Variants in ZYG11A observed in about 807,000 individuals in gnomAD.
ZYG11A encodes zyg-11 family member A, cell cycle regulator.
A neutral mutation model predicts 77.2 loss-of-function variants in ZYG11A; 62 were observed. The observed-to-expected ratio is 0.80, with a 90% CI of 0.65 to 0.99. The LOEUF is 0.99. Ranked by LOEUF, ZYG11A falls within the 50% of genes least tolerant of loss-of-function variation. The pLI is 0.00. For missense variants in ZYG11A, 828 were observed against 896.8 expected, an observed-to-expected ratio of 0.92 and a Z score of 0.98; for synonymous variants, 315 against 324.6, an observed-to-expected ratio of 0.97 and a Z score of 0.32.
chr1:52,856,427 G>C (rs1645811561), intron 2 of ZYG11A, among the ~76,000 whole-genome samples: 1 of 133,604 alleles, frequency 7.5e-6, no homozygotes, highest in South Asian at 2.3e-4. Flanking sequence ...CTGCACTCCA[G>C]CCTGGGTGAC....
chr1:52,854,485 T>C lies in ZYG11A; in HGVS notation c.111T>C (p.Thr37=). 1.3e-6 allele frequency: 2 copies of C among 1,549,206 alleles called. No homozygotes were observed. The highest frequency in any genetic ancestry group is 2.4e-5 in the South Asian group (2 of 83,344). The change falls in exon 2 of 14, where the codon ACT becomes ACC. Residue 37 remains threonine, a synonymous_variant. Transcript: ENST00000371528. Reference sequence around the variant, plus strand: ...GCTAGGAAGAGGCATCTCCCTACACTTTGGTCAACATCTGCCTGAATGTCC... The same window carrying C: ...GCTAGGAAGAGGCATCTCCCTACACCTTGGTCAACATCTGCCTGAATGTCC... ...CVVQEEASPY[T]LVNICLNVLI...
chr1:52,858,387 A>AT, intron 3 of ZYG11A, among the ~76,000 whole-genome samples: 1 of 150,920 alleles, frequency 6.6e-6, no homozygotes, highest in Non-Finnish European at 1.5e-5. Context: ...CAAAAAAAAA[A>AT]GAAGATATAG....
At chr1:52,852,288 C>G (rs112568080) in intron 1 of ZYG11A, among the ~76,000 whole-genome samples, 2,203 of 151,486 alleles carry the variant, frequency 0.015, 63 homozygotes, top group African/African-American at 0.051. Context: ...ACCTCATGAT[C>G]CACCCACCTC....
Position 52,842,862 on chromosome 1 carries a change from A to T in ZYG11A, c.-22A>T, listed in dbSNP as rs1645474211. 6.5e-7 allele frequency: 1 copy of T among 1,526,926 alleles called. No individual in the cohort carries two copies. The highest frequency in any genetic ancestry group is 8.8e-7 in the Non-Finnish European group (1 of 1,136,824). The allele number at this position is 1,526,926 out of a possible 1,614,324, so 94.6% of individuals were successfully genotyped here. A position where few individuals can be genotyped will look rare whatever the true frequency, so the allele number is the denominator to read the frequency against. ...CGGCTCGACGCCGGCTCTCTTTTTGACGCCCCGCCGCCGGGGTTGCCATGG... is the reference window on the plus strand; with the variant it reads ...CGGCTCGACGCCGGCTCTCTTTTTGTCGCCCCGCCGCCGGGGTTGCCATGG... On this transcript the variant is annotated 5_prime_UTR_variant, in exon 1 of 14. Coordinates refer to ENST00000371528, the MANE Select transcript of ZYG11A (RefSeq NM_001004339.3).
At chr1:52,888,471 C>T (rs990528304) in intron 13 of ZYG11A, among the ~76,000 whole-genome samples, 1 of 152,152 alleles carries the variant, frequency 6.6e-6, no homozygotes, top group Non-Finnish European at 1.5e-5. Flanking sequence ...AATTCTCCTG[C>T]CTCAGCCTCC....
intron 5 of ZYG11A, among the ~76,000 whole-genome samples, chr1:52,864,809 T>A (rs1571855200): frequency 6.9e-6 from 1 of 145,970 alleles, no homozygotes; most frequent in African/African-American, 2.6e-5. Context: ...CATGCCTGGC[T>A]AATTTTTTTT....
intron 3 of ZYG11A, among the ~76,000 whole-genome samples, chr1:52,858,849 A>G (rs1007462863): frequency 5.9e-5 from 9 of 152,034 alleles, no homozygotes; most frequent in Non-Finnish European, 1.2e-4. Context: ...CCCAGACCTC[A>G]GGTGATCCAC....
intron 5 of ZYG11A, 60 bp downstream of exon 5, chr1:52,864,217 G>C: frequency 1.3e-6 from 2 of 1,491,876 alleles, no homozygotes; most frequent in South Asian, 2.5e-5. Flanking sequence ...TCTCAGCTCT[G>C]TTGCCCAGGC....
At chr1:52,852,193 C>T (rs1036627144) in intron 1 of ZYG11A, among the ~76,000 whole-genome samples, 4 of 150,962 alleles carry the variant, frequency 2.6e-5, no homozygotes, top group Non-Finnish European at 5.9e-5. Flanking sequence ...GGATTACAGG[C>T]GTGAGCCACC....
chr1:52,861,859 T>C (rs1423887676), intron 4 of ZYG11A, among the ~76,000 whole-genome samples: 1 of 151,988 alleles, frequency 6.6e-6, no homozygotes, highest in Non-Finnish European at 1.5e-5. Context: ...AGTTCAAGAC[T>C]AGCCTGATCA....
chr1:52,876,042 G>GATTGGT (rs1161997777), intron 8 of ZYG11A, among the ~76,000 whole-genome samples: 3 of 151,824 alleles, frequency 2.0e-5, no homozygotes, highest in African/African-American at 7.3e-5. Context: ...AATGCAAGTA[G>GATTGGT]ATTGGTAGCT....
intron 2 of ZYG11A, among the ~76,000 whole-genome samples, chr1:52,855,240 C>T (rs750827608): frequency 2.0e-5 from 3 of 151,916 alleles, no homozygotes; most frequent in Admixed American, 6.6e-5. Flanking sequence ...GTCTTACCTC[C>T]CATTGTAGCT....
In ZYG11A at chr1:52,894,430, A is replaced by G. The variant is rs766731433; in HGVS notation, c.*1473A>G. On this transcript the variant is annotated 3_prime_UTR_variant, in exon 14 of 14. Coordinates refer to ENST00000371528, the MANE Select transcript of ZYG11A (RefSeq NM_001004339.3). ...CAACTACAGTATAAACTATATCAGAAGCTTACTTGATAAGCCTTGCGGAGC... is the reference window on the plus strand; with the variant it reads ...CAACTACAGTATAAACTATATCAGAGGCTTACTTGATAAGCCTTGCGGAGC... 6.6e-6 allele frequency: 1 copy of G among 152,260 alleles called. No individual in the cohort carries two copies. The highest frequency in any genetic ancestry group is 1.5e-5 in the Non-Finnish European group (1 of 68,046). 9.4% of individuals were successfully genotyped at this position (152,260 alleles called of 1,614,324 possible).
In ZYG11A at chr1:52,857,041, A is replaced by T; in HGVS notation, c.300A>T (p.Gln100His). ...CAGCCAGCATTTTCCGAGGCAACCA[A>T]ATGAAACTGAAGCTGGTCAATATCC... Reference protein sequence around the residue: ...DRTASIFRGNQMKLKLVNIQK... With the variant: ...DRTASIFRGNHMKLKLVNIQK... The change falls in exon 3 of 14, where the codon CAA becomes CAT. Residue 100 changes from glutamine (Q) to histidine (H), a missense_variant. By Grantham distance (24) the Gln-to-His change is conservative. Transcript: ENST00000371528. The T allele has an allele frequency of 6.5e-7, 1 of 1,547,638 alleles. No individual in the cohort carries two copies. Among genetic ancestry groups the T allele is most frequent in the South Asian group, 1.2e-5 (1 of 83,584 alleles).
At position 52,889,248 on chromosome 1, in the gene ZYG11A, C is replaced by T. The variant is rs143182349; in HGVS notation, c.2104+2195C>T. ...AGTCTCAGCTCAGGTGATGCTGTCA[C>T]CTCAGCCTCCCAAATAGCTGGGACT... On this transcript the variant is annotated intron_variant, in intron 13 of 13. Transcript: ENST00000371528. 5.9e-4 allele frequency among the ~76,000 whole-genome samples: 89 copies of T among 152,126 alleles called. 1 individual carries two copies. The highest frequency in any genetic ancestry group is 2.0e-3 in the African/African-American group (82 of 41,500).
At chr1:52,882,434 A>G (rs12121425) in intron 11 of ZYG11A, among the ~76,000 whole-genome samples, 1 of 152,118 alleles carries the variant, frequency 6.6e-6, no homozygotes, top group African/African-American at 2.4e-5. Flanking sequence ...TGTACACCGT[A>G]TATGGTGGAC....
Position 52,893,073 on chromosome 1 carries a change from A to C in ZYG11A, c.*116A>C. The C allele has an allele frequency of 1.1e-6, 1 of 897,348 alleles. No homozygotes were observed. Among genetic ancestry groups the C allele is most frequent in the Non-Finnish European group, 1.7e-6 (1 of 604,570 alleles). 55.6% of individuals were successfully genotyped at this position (897,348 alleles called of 1,614,324 possible). A position where few individuals can be genotyped will look rare whatever the true frequency, so the allele number is the denominator to read the frequency against. On this transcript the variant is annotated 3_prime_UTR_variant, in exon 14 of 14. Coordinates refer to ENST00000371528, the MANE Select transcript of ZYG11A (RefSeq NM_001004339.3). ...GAGTTGGCTGTCTCATTGGCCTTTG[A>C]TTGTTGATTTTATATATGTTACAAA...
intron 1 of ZYG11A, among the ~76,000 whole-genome samples, chr1:52,850,893 T>C (rs904151335): frequency 6.6e-6 from 1 of 152,224 alleles, no homozygotes; most frequent in Non-Finnish European, 1.5e-5. Flanking sequence ...TTTAAATTCC[T>C]GTCTGTTAGT....
intron 3 of ZYG11A, among the ~76,000 whole-genome samples, chr1:52,859,903 C>T (rs1022929725): frequency 2.0e-5 from 3 of 151,924 alleles, no homozygotes; most frequent in Non-Finnish European, 4.4e-5. Flanking sequence ...GTCTTGAACT[C>T]CTGACCTCAG....
Sources: gnomAD v4.1 joint callset for allele counts (sites outside exome capture counted in the v4.1 genomes callset) on GRCh38, gnomAD v4.1.1 for gene constraint, MANE v1.5 for transcripts, NCBI Gene and HGNC (gene_info 2026-07-23, HGNC 2026-07-21) for gene names.